CATSPERT: variants seen among roughly 807,000 people sequenced by gnomAD.
CATSPERT encodes the protein catsper channel auxiliary subunit tau, also known as cation channel sperm-associated targeting subunit tau.
At chr2:201,595,274 C>T in the CATSPERT span, among the ~76,000 whole-genome samples, 12 of 151,136 alleles carry the variant, frequency 7.9e-5, no homozygotes, top group Admixed American at 3.9e-4. Context: ...CTGCAAGCTC[C>T]GCCTCCCGGG....
chr2:201,614,412 T>C, the CATSPERT span, among the ~76,000 whole-genome samples: 10 of 152,188 alleles, frequency 6.6e-5, no homozygotes, highest in South Asian at 1.5e-3. Flanking sequence ...ATTCAACATT[T>C]TTAAAGAAAA....
the CATSPERT span, among the ~76,000 whole-genome samples, chr2:201,595,333 C>T: frequency 4.6e-5 from 7 of 151,706 alleles, no homozygotes; most frequent in Admixed American, 6.6e-5. Context: ...GGACTACAGG[C>T]GCCCGCCACC....
chr2:201,616,509 C>G, the CATSPERT span, among the ~76,000 whole-genome samples: 2 of 152,126 alleles, frequency 1.3e-5, no homozygotes. Context: ...ATTCAACAGC[C>G]CTTCATGCTA....
chr2:201,561,632 A>G, the CATSPERT span, among the ~76,000 whole-genome samples: 8,368 of 152,204 alleles, frequency 0.055, 279 homozygotes, highest in African/African-American at 0.08. Flanking sequence ...AACACTTTGG[A>G]AGGTCAAGGC....
At chr2:201,546,333 G>A in the CATSPERT span, among the ~76,000 whole-genome samples, 2 of 152,060 alleles carry the variant, frequency 1.3e-5, no homozygotes, top group African/African-American at 2.4e-5. Flanking sequence ...TTATTTCCAA[G>A]TCAACATGTA....
chr2:201,614,511 A>C, the CATSPERT span, among the ~76,000 whole-genome samples: 1 of 152,232 alleles, frequency 6.6e-6, no homozygotes, highest in Non-Finnish European at 1.5e-5. Context: ...ACAAATGCTG[A>C]GAGATTTTGT....
the CATSPERT span, among the ~76,000 whole-genome samples, chr2:201,524,401 T>A: frequency 3.9e-5 from 6 of 152,138 alleles, no homozygotes; most frequent in Admixed American, 3.9e-4. Flanking sequence ...GGAAATAAGA[T>A]CATTTTCAGA....
chr2:201,586,422 G>A, the CATSPERT span, among the ~76,000 whole-genome samples: 1 of 152,072 alleles, frequency 6.6e-6, no homozygotes, highest in Non-Finnish European at 1.5e-5. Flanking sequence ...GAAGGTAATA[G>A]ATTTAAACTC....
the CATSPERT span, chr2:201,565,779 G>T: frequency 6.2e-7 from 1 of 1,610,398 alleles, no homozygotes; most frequent in Non-Finnish European, 8.5e-7. Context: ...CAGATGGCTG[G>T]TTGGAGGATT....
chr2:201,529,140 T>C, the CATSPERT span, among the ~76,000 whole-genome samples: 2 of 152,050 alleles, frequency 1.3e-5, no homozygotes, highest in Non-Finnish European at 2.9e-5. Context: ...TCATGAATTG[T>C]AAGAATTAAT....
At chr2:201,577,141 C>T in the CATSPERT span, among the ~76,000 whole-genome samples, 1 of 152,020 alleles carries the variant, frequency 6.6e-6, no homozygotes, top group African/African-American at 2.4e-5. Flanking sequence ...ATAAAATTAC[C>T]ACCAGCCTAT....
the CATSPERT span, chr2:201,537,501 G>T: frequency 6.5e-7 from 1 of 1,535,714 alleles, no homozygotes. Flanking sequence ...ATTAATAGGG[G>T]TATTTTATTT....
At chr2:201,617,383 G>C in the CATSPERT span, among the ~76,000 whole-genome samples, 11 of 152,248 alleles carry the variant, frequency 7.2e-5, no homozygotes, top group East Asian at 1.9e-4. Flanking sequence ...GAACAGAATA[G>C]AGCCCCCGGA....
chr2:201,565,744 T>C, the CATSPERT span: 1 of 1,589,674 alleles, frequency 6.3e-7, no homozygotes, highest in Non-Finnish European at 8.5e-7. Flanking sequence ...CCGGGGTTGT[T>C]GCTGAAGTTT....
chr2:201,581,544 GTGTGTATATATA>G, the CATSPERT span, among the ~76,000 whole-genome samples: 1 of 9,372 alleles, frequency 1.1e-4, no homozygotes, highest in Non-Finnish European at 1.9e-4. Context: ...GGAAAAAAAT[GTGTGTATATATA>G]TATATATATA....
At chr2:201,584,021 C>G in the CATSPERT span, among the ~76,000 whole-genome samples, 1 of 152,114 alleles carries the variant, frequency 6.6e-6, no homozygotes, top group African/African-American at 2.4e-5. Flanking sequence ...AATTAACGAA[C>G]TAGAATTAAG....
chr2:201,569,404 G>T, the CATSPERT span, among the ~76,000 whole-genome samples: 2 of 152,158 alleles, frequency 1.3e-5, no homozygotes. Flanking sequence ...CAACACCACA[G>T]GTTTATACTA....
chr2:201,572,694 T>A, the CATSPERT span, among the ~76,000 whole-genome samples: 1 of 151,516 alleles, frequency 6.6e-6, no homozygotes, highest in East Asian at 1.9e-4. Flanking sequence ...CAATTAGGGG[T>A]CCCTATAAGG....
chr2:201,526,239 C>T, the CATSPERT span, among the ~76,000 whole-genome samples: 1 of 152,080 alleles, frequency 6.6e-6, no homozygotes, highest in African/African-American at 2.4e-5. Context: ...GCAAACTGGG[C>T]CAGGCATGGT....
Sources: allele counts gnomAD v4.1 joint callset (sites outside exome capture counted in the v4.1 genomes callset), GRCh38; gene constraint gnomAD v4.1.1; transcripts MANE v1.5; gene names NCBI Gene and HGNC (gene_info 2026-07-23, HGNC 2026-07-21).